The following LRRC74A variants were observed in gnomAD, a reference collection of about 807,000 sequenced individuals.
LRRC74A encodes the protein leucine-rich repeat-containing protein 74A.
Under a neutral mutation model 57.9 loss-of-function variants are expected in LRRC74A, and 44 were observed. The ratio of observed to expected loss-of-function variants is 0.76; its 90% CI spans 0.60 to 0.98. The LOEUF (loss-of-function observed/expected upper bound fraction) is 0.98, where lower values mean the gene tolerates loss of function less well. Among genes scored for constraint, LRRC74A ranks in the 50% least tolerant of loss-of-function variants. The pLI is 0.00. For missense variants in LRRC74A, 572 were observed against 574.0 expected (o/e 1.00, Z 0.04); for synonymous variants, 211 against 219.4 (o/e 0.96, Z 0.34).
At chr14:76,859,737 A>G (rs1898163000) in intron 10 of LRRC74A, among the ~76,000 whole-genome samples, 7 of 139,362 alleles carry the variant, frequency 5.0e-5, no homozygotes, top group Admixed American at 4.8e-4. Flanking sequence ...GTGCAATGGC[A>G]TAGTCTCGGC....
chr14:76,834,297 C>T (rs960523464), intron 3 of LRRC74A, among the ~76,000 whole-genome samples: 5 of 152,164 alleles, frequency 3.3e-5, no homozygotes, highest in African/African-American at 7.2e-5. Context: ...TCATGAGCTT[C>T]GTGGGAAAAA....
chr14:76,852,342 A>G lies in LRRC74A; in HGVS notation c.677-23A>G, dbSNP rs773465411. ...GTTTTCTGGGCTGTGGGAGATGCTA[A>G]GCCGATTCCCTCCCTGTTTCAGCCA... On this transcript the variant is annotated intron_variant, in intron 7 of 13. Transcript: ENST00000689127. 3.2e-6 allele frequency: 5 copies of G among 1,574,726 alleles called. No individual in the cohort carries two copies. In the Admixed American group the frequency reaches 8.5e-5, roughly 27 times the overall value.
chr14:76,845,245 T>G (rs10129343), intron 7 of LRRC74A, among the ~76,000 whole-genome samples: 136,017 of 152,068 alleles, frequency 0.89, 61,092 homozygotes, highest in Non-Finnish European at 0.94. Flanking sequence ...GATTCCTTGA[T>G]CCCAGGAAGT....
At chr14:76,859,588 T>C (rs1470917174) in intron 10 of LRRC74A, among the ~76,000 whole-genome samples, 1 of 145,412 alleles carries the variant, frequency 6.9e-6, no homozygotes, top group African/African-American at 2.5e-5. Context: ...AGGCCCTAGA[T>C]GGCCCATAAA....
intron 10 of LRRC74A, among the ~76,000 whole-genome samples, chr14:76,859,868 G>A (rs1034143499): frequency 1.9e-4 from 29 of 152,076 alleles, no homozygotes; most frequent in African/African-American, 7.0e-4. Flanking sequence ...AGTAGAAACA[G>A]AGTTTCACCA....
intron 5 of LRRC74A, among the ~76,000 whole-genome samples, chr14:76,841,312 G>T (rs917630920): frequency 1.9e-4 from 29 of 152,228 alleles, no homozygotes; most frequent in Admixed American, 4.6e-4. Flanking sequence ...AGAGTGCTGG[G>T]ATTACAGGCA....
chr14:76,858,414 AG>A (rs1307427862), intron 10 of LRRC74A, among the ~76,000 whole-genome samples: 2 of 152,190 alleles, frequency 1.3e-5, no homozygotes, highest in African/African-American at 4.8e-5. Flanking sequence ...CCTTGATATA[AG>A]GACACAGTCT....
intron 8 of LRRC74A, among the ~76,000 whole-genome samples, chr14:76,852,817 C>T (rs1053515130): frequency 1.3e-5 from 2 of 151,982 alleles, no homozygotes; most frequent in African/African-American, 4.8e-5. Context: ...CGGGGTTGTA[C>T]CATGTTGGCC....
chr14:76,852,976 A>C (rs1054324212), intron 8 of LRRC74A, among the ~76,000 whole-genome samples: 1 of 152,104 alleles, frequency 6.6e-6, no homozygotes, highest in Non-Finnish European at 1.5e-5. Flanking sequence ...CTTTGGATAC[A>C]CTTCAAGAGG....
intron 13 of LRRC74A, among the ~76,000 whole-genome samples, chr14:76,869,484 T>TG (rs5809784): frequency 1 from 152,339 of 152,340 alleles, 76,169 homozygotes; most frequent in Middle Eastern, 1. Context: ...CTGGGCGCGG[T>TG]GCTCACGCCT....
At chr14:76,830,181 C>G (rs555835867) in intron 2 of LRRC74A, among the ~76,000 whole-genome samples, 1 of 152,338 alleles carries the variant, frequency 6.6e-6, no homozygotes, top group South Asian at 2.1e-4. Context: ...AAATCAGCTT[C>G]CCTGTAAAGC....
intron 10 of LRRC74A, 23 bp downstream of exon 10, chr14:76,857,498 C>A: frequency 1.3e-6 from 2 of 1,524,318 alleles, no homozygotes; most frequent in Non-Finnish European, 1.8e-6. Flanking sequence ...ATGGTAGTTG[C>A]TTGCGTCTGG....
Position 76,826,662 on chromosome 14 carries a change from G to T in LRRC74A, c.-36G>T, listed in dbSNP as rs765503900. ...TAGGGAAGCAGTCGAGAGGTGGCAA[G>T]AAGTTGGCAGCTGCCCTCAAGAGGG... On this transcript the variant is annotated 5_prime_UTR_variant, in exon 1 of 14. Coordinates refer to ENST00000689127, the MANE Select transcript of LRRC74A (RefSeq NM_001385106.1). 2.5e-6 allele frequency: 4 copies of T among 1,595,044 alleles called. No homozygotes were observed. The South Asian group carries it at 3.4e-5, about 14-fold the overall frequency.
chr14:76,865,882 G>A (rs1898741644), intron 11 of LRRC74A, 86 bp from the exon 12 acceptor site: 2 of 1,053,196 alleles, frequency 1.9e-6, no homozygotes, highest in African/African-American at 3.2e-5. Flanking sequence ...GGAAGCATGG[G>A]CCGCTCTTTT....
At chr14:76,865,885 G>A (rs561452954) in intron 11 of LRRC74A, 83 bp from the exon 12 acceptor site, 31 of 1,084,100 alleles carry the variant, frequency 2.9e-5, no homozygotes, top group South Asian at 1.2e-4. Context: ...AGCATGGGCC[G>A]CTCTTTTGTG....
rs778916208 is a variant in LRRC74A, at chr14:76,826,477, C to G, written c.-221C>G. On this transcript the variant is annotated 5_prime_UTR_variant, in exon 1 of 14. Transcript: ENST00000689127. ...TGGAGAAGTAGCTACCTCTCCCAGA[C>G]AGAGTTGGGGTCAAATTCATGCACA... The G allele has an allele frequency of 1.3e-6, 2 of 1,531,688 alleles. No homozygotes were observed. Among genetic ancestry groups the G allele is most frequent in the East Asian group, 2.4e-5 (1 of 41,714 alleles). 94.9% of individuals were successfully genotyped at this position (1,531,688 alleles called of 1,614,324 possible).
At chr14:76,869,629 G>A (rs1339653412) in intron 13 of LRRC74A, among the ~76,000 whole-genome samples, 1 of 151,986 alleles carries the variant, frequency 6.6e-6, no homozygotes, top group Non-Finnish European at 1.5e-5. Flanking sequence ...AGGTGTGGTG[G>A]CAGGCGCCTG....
At chr14:76,848,335 A>G (rs930473784) in intron 7 of LRRC74A, among the ~76,000 whole-genome samples, 1 of 151,180 alleles carries the variant, frequency 6.6e-6, no homozygotes, top group African/African-American at 2.4e-5. Context: ...AAATAAATAA[A>G]TAAATAAAAG....
Position 76,867,563 on chromosome 14 carries a change from G to A in LRRC74A, c.1391+125G>A, listed in dbSNP as rs76370882. On this transcript the variant is annotated intron_variant, in intron 13 of 13. Coordinates refer to ENST00000689127, the MANE Select transcript of LRRC74A (RefSeq NM_001385106.1). ...GGCTTCACCCACCTGCCTGTTCCCT[G>A]CATGCCAAGTCTGGGCCCCACTGTC... 203 of 592,740 alleles carry A rather than the reference G, an allele frequency of 3.4e-4. No individual in the cohort carries two copies. The East Asian group carries it at 5.6e-3, about 16-fold the overall frequency. 36.7% of individuals were successfully genotyped at this position (592,740 alleles called of 1,614,324 possible). A position where few individuals can be genotyped will look rare whatever the true frequency, so the allele number is the denominator to read the frequency against.
Sources: gnomAD v4.1 joint callset for allele counts (sites outside exome capture counted in the v4.1 genomes callset) on GRCh38, gnomAD v4.1.1 for gene constraint, MANE v1.5 for transcripts, NCBI Gene and HGNC (gene_info 2026-07-23, HGNC 2026-07-21) for gene names.